The following GATAD1 variants were observed in gnomAD, a reference collection of about 807,000 sequenced individuals.
The protein encoded by GATAD1 is GATA zinc finger domain containing 1, also known as GATA zinc finger domain-containing protein 1.
Under a neutral mutation model 26.5 loss-of-function variants are expected in GATAD1, and 12 were observed. That is an observed-to-expected ratio of 0.45 (90% CI 0.29 to 0.73). The LOEUF (loss-of-function observed/expected upper bound fraction) is 0.73. Ranked by LOEUF, GATAD1 falls within the 30% of genes least tolerant of loss-of-function variation. The pLI, the probability that GATAD1 is intolerant of heterozygous loss-of-function variation, is 0.10. For missense variants in GATAD1, 266 were observed against 342.1 expected, an observed-to-expected ratio of 0.78 and a Z score of 1.75; for synonymous variants, 129 against 133.1, an observed-to-expected ratio of 0.97 and a Z score of 0.21.
At chr7:92,454,185 C>T (rs1789563429) in intron 3 of GATAD1, 1 of 274,216 alleles carries the variant, frequency 3.6e-6, no homozygotes. Context: ...AAACCTAAAA[C>T]CTCTGTAAAA....
At chr7:92,494,400 G>C in the GATAD1 span, 4 of 1,613,350 alleles carry the variant, frequency 2.5e-6, no homozygotes, top group African/African-American at 5.3e-5. Context: ...TAAACACCTA[G>C]AGGAAAAAAG....
At chr7:92,469,453 A>G in the GATAD1 span, 1 of 769,500 alleles carries the variant, frequency 1.3e-6, no homozygotes, top group African/African-American at 1.7e-5. Flanking sequence ...GGGCTTAGAT[A>G]TGACATAACT....
At position 92,447,568 on chromosome 7, in the gene GATAD1, C is replaced by A; in HGVS notation, c.-162C>A. On this transcript the variant is annotated 5_prime_UTR_variant, in exon 1 of 5. Coordinates refer to ENST00000287957, the MANE Select transcript of GATAD1 (RefSeq NM_021167.5). ...CGGCGGAACCCGCTTCCCGCCTCCA[C>A]GGGGCAGCGCCAGCGGCCTGGTCCT... is the stretch of plus-strand genomic sequence containing the variant. 2.1e-6 allele frequency: 2 copies of A among 951,638 alleles called. No homozygotes were observed. Among genetic ancestry groups the A allele is most frequent in the Non-Finnish European group, 2.8e-6 (2 of 723,652 alleles). The allele number at this position is 951,638 out of a possible 1,614,324, so 58.9% of individuals were successfully genotyped here. A position where few individuals can be genotyped will look rare whatever the true frequency, so the allele number is the denominator to read the frequency against.
chr7:92,477,856 G>T, the GATAD1 span: 1 of 159,152 alleles, frequency 6.3e-6, no homozygotes, highest in South Asian at 1.7e-4. Flanking sequence ...AAGAAACATG[G>T]ACCAGAAGAG....
At chr7:92,473,060 T>G in the GATAD1 span, 1 of 151,922 alleles carries the variant, frequency 6.6e-6, no homozygotes, top group Admixed American at 6.6e-5. Context: ...TCCAGGTGAG[T>G]TGAGATGTTG....
At chr7:92,495,757 C>T in the GATAD1 span, among the ~76,000 whole-genome samples, 3 of 151,936 alleles carry the variant, frequency 2.0e-5, no homozygotes, top group African/African-American at 4.8e-5. Flanking sequence ...TAAATCTTGG[C>T]TTTGTGAGCT....
downstream of GATAD1, among the ~76,000 whole-genome samples, chr7:92,461,739 A>G (rs1384924837): frequency 1.3e-5 from 2 of 152,218 alleles, no homozygotes; most frequent in South Asian, 2.1e-4. Flanking sequence ...GGAAGCTTCC[A>G]TTCCTCTCTG....
At chr7:92,450,804 G>GCACA in intron 3 of GATAD1, 44 bp downstream of exon 3, 2 of 1,173,714 alleles carry the variant, frequency 1.7e-6, no homozygotes, top group Non-Finnish European at 2.6e-6. Context: ...GGGCCTAGTG[G>GCACA]GTAATGTGCC....
In GATAD1 at chr7:92,456,552, A is replaced by G. The variant is rs1248370537; in HGVS notation, c.800A>G (p.Asn267Ser). ...ATAACAATTAAGGAATCAGTTGCCA[A>G]CCATTTGTAGTTCACAAATTAAAAC... Reference protein sequence around the residue: ...PAITIKESVANHL With the variant: ...PAITIKESVASHL The change falls in exon 5 of 5, where the codon AAC becomes AGC. Residue 267 changes from asparagine to serine, a missense_variant. Physicochemically the swap from Asn to Ser is conservative, Grantham distance 46. Coordinates refer to ENST00000287957, the MANE Select transcript of GATAD1 (RefSeq NM_021167.5). The G allele has an allele frequency of 8.7e-6, 14 of 1,610,826 alleles. No individual in the cohort carries two copies. Among genetic ancestry groups the G allele is most frequent in the Non-Finnish European group, 1.1e-5 (13 of 1,178,066 alleles).
At chr7:92,491,274 A>T in the GATAD1 span, 1 of 1,591,856 alleles carries the variant, frequency 6.3e-7, no homozygotes, top group Admixed American at 1.7e-5. Flanking sequence ...CAAGATACCA[A>T]ATCAGAAGAG....
chr7:92,459,599 C>T lies in GATAD1; in HGVS notation c.*3037C>T, dbSNP rs557062075. Among the ~76,000 whole-genome samples, 3 of 152,306 alleles carry T rather than the reference C, an allele frequency of 2.0e-5. No homozygotes were observed. In the South Asian group the frequency reaches 6.2e-4, roughly 32 times the overall value. On this transcript the variant is annotated 3_prime_UTR_variant, in exon 5 of 5. Transcript: ENST00000287957. ...TTCATACTGTTCTCTCCAATTCTAC[C>T]TTCCAAAGGCCTTTCTTAACACCTT... is the stretch of plus-strand genomic sequence containing the variant.
chr7:92,449,253 C>A, intron 2 of GATAD1: 1 of 815,176 alleles, frequency 1.2e-6, no homozygotes, highest in Non-Finnish European at 1.5e-6. Context: ...CTTTAAAAAT[C>A]TAAGTAAATA....
chr7:92,468,995 G>A, the GATAD1 span: 1 of 756,370 alleles, frequency 1.3e-6, no homozygotes, highest in Admixed American at 1.7e-5. Flanking sequence ...GGTCCAAAGA[G>A]GAGTAGCAAT....
rs886271595 is a variant in GATAD1 at position 92,456,878 on chromosome 7, T to A, written c.*316T>A. 2.3e-5 allele frequency: 5 copies of A among 215,096 alleles called. No homozygotes were observed. The highest frequency in any genetic ancestry group is 3.6e-5 in the Non-Finnish European group (4 of 110,122). The allele number at this position is 215,096 out of a possible 1,614,324, so 13.3% of individuals were successfully genotyped here. ...AGGGCCAGGCACAGTGGCTTATGCC[T>A]GTAATTGCAGCACTTTTAGAGGCCG... On this transcript the variant is annotated 3_prime_UTR_variant, in exon 5 of 5. Transcript: ENST00000287957.
downstream of GATAD1, among the ~76,000 whole-genome samples, chr7:92,462,198 A>G (rs2115912268): frequency 6.6e-6 from 1 of 152,342 alleles, no homozygotes; most frequent in East Asian, 1.9e-4. Flanking sequence ...GAAAAACCAG[A>G]AACAATCTAA....
At chr7:92,474,768 G>C in the GATAD1 span, 1 of 152,160 alleles carries the variant, frequency 6.6e-6, no homozygotes, top group African/African-American at 2.4e-5. Context: ...CATCAATATA[G>C]CCATCAGGGT....
At chr7:92,454,451 G>T (rs761228374) in intron 3 of GATAD1, 51 bp from the exon 4 acceptor site, 2 of 1,371,580 alleles carry the variant, frequency 1.5e-6, no homozygotes, top group Admixed American at 1.7e-5. Context: ...ATTCATAGCT[G>T]TGATGTTCTA....
At chr7:92,477,202 C>A in the GATAD1 span, among the ~76,000 whole-genome samples, 2 of 152,286 alleles carry the variant, frequency 1.3e-5, no homozygotes, top group South Asian at 4.1e-4. Context: ...AACCAAGTCC[C>A]CAACCCAGAA....
the GATAD1 span, among the ~76,000 whole-genome samples, chr7:92,480,617 T>C: frequency 1.3e-5 from 2 of 152,144 alleles, no homozygotes; most frequent in Non-Finnish European, 2.9e-5. Context: ...TTTTCCTTGG[T>C]CTAAGAACCA....
Sources: gnomAD v4.1 joint callset for allele counts (sites outside exome capture counted in the v4.1 genomes callset) on GRCh38, gnomAD v4.1.1 for gene constraint, MANE v1.5 for transcripts, NCBI Gene and HGNC (gene_info 2026-07-23, HGNC 2026-07-21) for gene names.